Variants in TMEM178B observed in about 807,000 individuals in gnomAD.
TMEM178B encodes the protein transmembrane protein 178B.
A neutral mutation model predicts 31.0 loss-of-function variants in TMEM178B; 5 were observed. That is an observed-to-expected ratio of 0.16 (90% CI 0.08 to 0.34). The LOEUF is 0.34. Ranked by LOEUF, TMEM178B falls within the 10% of genes least tolerant of loss-of-function variation. The probability of loss-of-function intolerance (pLI) is 1.00; values close to 1 mark genes in which losing one functional copy is unlikely to be tolerated. For synonymous variants in TMEM178B, 164 were observed against 164.0 expected, an observed-to-expected ratio of 1.00 and a Z score of 0.00; for missense variants, 275 against 400.3, an observed-to-expected ratio of 0.69 and a Z score of 2.67.
intron 2 of TMEM178B, among the ~76,000 whole-genome samples, chr7:141,321,888 C>T (rs568806362): frequency 6.6e-6 from 1 of 151,832 alleles, no homozygotes; most frequent in South Asian, 2.1e-4. Context: ...TGCTACAGGA[C>T]CCAGGAGGCT....
chr7:141,172,182 T>A (rs1012637215), intron 1 of TMEM178B, among the ~76,000 whole-genome samples: 1 of 152,134 alleles, frequency 6.6e-6, no homozygotes, highest in African/African-American at 2.4e-5. Context: ...CATAAAGTAG[T>A]CTATTTCATA....
intron 2 of TMEM178B, among the ~76,000 whole-genome samples, chr7:141,222,024 G>T (rs370532487): frequency 1.8e-3 from 278 of 152,302 alleles, no homozygotes; most frequent in Non-Finnish European, 2.9e-3. Context: ...GAGAGCATTG[G>T]TGTGGATCGT....
chr7:141,112,466 T>G (rs565660859), intron 1 of TMEM178B, among the ~76,000 whole-genome samples: 1 of 152,218 alleles, frequency 6.6e-6, no homozygotes, highest in African/African-American at 2.4e-5. Flanking sequence ...GTGGCTCAGG[T>G]TGGTCTCAAA....
chr7:141,486,243 C>T, the TMEM178B span, among the ~76,000 whole-genome samples: 1 of 151,906 alleles, frequency 6.6e-6, no homozygotes, highest in Admixed American at 6.6e-5. Flanking sequence ...CAACGGAGAC[C>T]CAGAAAGGTG....
At chr7:141,502,145 T>C in the TMEM178B span, among the ~76,000 whole-genome samples, 2 of 138,148 alleles carry the variant, frequency 1.4e-5, no homozygotes, top group Non-Finnish European at 3.0e-5. Context: ...GTGCATCCAC[T>C]GCCCTCCCTA....
chr7:141,387,598 AG>A (rs1240805910), intron 2 of TMEM178B, among the ~76,000 whole-genome samples: 2 of 152,170 alleles, frequency 1.3e-5, no homozygotes, highest in African/African-American at 4.8e-5. Flanking sequence ...GATTTTGAAG[AG>A]GTTTTCATAG....
At chr7:141,292,660 T>C (rs217023) in intron 2 of TMEM178B, among the ~76,000 whole-genome samples, 15,128 of 125,666 alleles carry the variant, frequency 0.12, 1,156 homozygotes, top group African/African-American at 0.22. Flanking sequence ...TTTTTTGAGA[T>C]GGAGTCTCGC....
chr7:141,292,479 T>C (rs1346876892), intron 2 of TMEM178B, among the ~76,000 whole-genome samples: 1 of 152,148 alleles, frequency 6.6e-6, no homozygotes, highest in Non-Finnish European at 1.5e-5. Context: ...CTCATCTCCC[T>C]GGGCAAGAAA....
At chr7:141,371,126 T>C (rs1800107431) in intron 2 of TMEM178B, among the ~76,000 whole-genome samples, 1 of 152,226 alleles carries the variant, frequency 6.6e-6, no homozygotes, top group East Asian at 1.9e-4. Flanking sequence ...GTACTACAGG[T>C]TGGATCTTTG....
intron 1 of TMEM178B, among the ~76,000 whole-genome samples, chr7:141,100,696 T>A (rs1480536376): frequency 6.6e-6 from 1 of 152,224 alleles, no homozygotes; most frequent in Admixed American, 6.5e-5. Flanking sequence ...AAACAAGGGC[T>A]GACTGTATTG....
intron 3 of TMEM178B, among the ~76,000 whole-genome samples, chr7:141,441,178 C>A (rs879868305): frequency 6.6e-6 from 1 of 152,180 alleles, no homozygotes; most frequent in African/African-American, 2.4e-5. Context: ...GCACTTCCCG[C>A]CTCTTTGCTC....
At chr7:141,116,614 C>G (rs1338036783) in intron 1 of TMEM178B, among the ~76,000 whole-genome samples, 1 of 151,084 alleles carries the variant, frequency 6.6e-6, no homozygotes, top group Non-Finnish European at 1.5e-5. Context: ...TTTGCTGCAC[C>G]CATCCTCCCA....
In TMEM178B at chr7:141,181,151, A is replaced by G. The variant is rs138329599; in HGVS notation, c.383-31440A>G. On this transcript the variant is annotated intron_variant, in intron 1 of 3. Transcript: ENST00000565468. ...CTTACCTTTCAGTATTTGAGGCAAA[A>G]TTAGATACATGAAACAGCCAGAGAC... Among the ~76,000 whole-genome samples the G allele has an allele frequency of 5.3e-5, 8 of 152,352 alleles. No individual in the cohort carries two copies. The East Asian group carries it at 1.5e-3, about 29-fold the overall frequency.
In TMEM178B at chr7:141,477,473, C is replaced by T. The variant is rs185472709; in HGVS notation, c.*6687C>T. 1 of 152,144 alleles carries T rather than the reference C, an allele frequency of 6.6e-6. No homozygotes were observed. Among genetic ancestry groups the T allele is most frequent in the Admixed American group, 6.5e-5 (1 of 15,278 alleles). 9.4% of individuals were successfully genotyped at this position (152,144 alleles called of 1,614,324 possible). On this transcript the variant is annotated 3_prime_UTR_variant, in exon 4 of 4. Transcript: ENST00000565468. ...GTCATCAGTGTCTGCTTAGAACTCTCTGTTCTAAAGGTTTTTCCCTGTAAA... is the reference window on the plus strand; with the variant it reads ...GTCATCAGTGTCTGCTTAGAACTCTTTGTTCTAAAGGTTTTTCCCTGTAAA...
intron 2 of TMEM178B, among the ~76,000 whole-genome samples, chr7:141,289,041 G>A (rs1798498117): frequency 6.6e-6 from 1 of 152,116 alleles, no homozygotes; most frequent in South Asian, 2.1e-4. Context: ...TGACCCCCAG[G>A]ATCTTCCTGC....
intron 2 of TMEM178B, among the ~76,000 whole-genome samples, chr7:141,284,898 C>A (rs1401158275): frequency 6.6e-6 from 1 of 151,830 alleles, no homozygotes; most frequent in Non-Finnish European, 1.5e-5. Flanking sequence ...CAGTAGGGAG[C>A]CAAGAAGGTT....
At chr7:141,125,873 T>C (rs1795487859) in intron 1 of TMEM178B, among the ~76,000 whole-genome samples, 1 of 152,152 alleles carries the variant, frequency 6.6e-6, no homozygotes, top group African/African-American at 2.4e-5. Context: ...AAGAATGAGC[T>C]GAATATAAGT....
Position 141,229,759 on chromosome 7 carries a change from C to T in TMEM178B, c.496+17055C>T, listed in dbSNP as rs117387527. 1.4e-3 allele frequency among the ~76,000 whole-genome samples: 207 copies of T among 151,556 alleles called. 2 individuals are homozygous for T. The highest frequency in any genetic ancestry group is 4.5e-3 in the African/African-American group (184 of 41,320). ...GCAACATAGTGAGACCCTGTCTCTA[C>T]GAAAAATTAAAAAAAAAATAGTGGA... On this transcript the variant is annotated intron_variant, in intron 2 of 3. Transcript: ENST00000565468.
At chr7:141,269,005 G>C (rs1172669731) in intron 2 of TMEM178B, among the ~76,000 whole-genome samples, 1 of 152,010 alleles carries the variant, frequency 6.6e-6, no homozygotes, top group African/African-American at 2.4e-5. Flanking sequence ...GGTTTTGCAA[G>C]AGTTTCAGCA....
Sources: allele counts gnomAD v4.1 joint callset (sites outside exome capture counted in the v4.1 genomes callset), GRCh38; gene constraint gnomAD v4.1.1; transcripts MANE v1.5; gene names NCBI Gene and HGNC (gene_info 2026-07-23, HGNC 2026-07-21).